Variants in DENND1B observed in about 807,000 individuals in gnomAD.
DENND1B encodes the protein DENN domain containing 1B, also known as DENN domain-containing protein 1B.
A neutral mutation model predicts 90.1 loss-of-function variants in DENND1B; 59 were observed. The observed-to-expected ratio is 0.65, with a 90% CI of 0.53 to 0.81. The LOEUF is 0.81. Among genes scored for constraint, DENND1B ranks in the 40% least tolerant of loss-of-function variants. The pLI, the probability that DENND1B is intolerant of heterozygous loss-of-function variation, is 0.00. For missense variants in DENND1B, 862 were observed against 912.6 expected (o/e 0.94, Z 0.71); for synonymous variants, 337 against 324.6 (o/e 1.04, Z -0.41).
intron 12 of DENND1B, among the ~76,000 whole-genome samples, chr1:197,611,244 T>A (rs1363731792): frequency 1.3e-5 from 2 of 150,872 alleles, no homozygotes; most frequent in Non-Finnish European, 3.0e-5. Flanking sequence ...TTTGTTTTAA[T>A]TAAAGCCTTT....
At chr1:197,716,424 A>C (rs1304174694) in intron 2 of DENND1B, among the ~76,000 whole-genome samples, 1 of 146,602 alleles carries the variant, frequency 6.8e-6, no homozygotes, top group African/African-American at 2.7e-5. Context: ...TTATATCCTC[A>C]TGTAAAACAA....
At chr1:197,706,571 A>G (rs902182788) in intron 3 of DENND1B, among the ~76,000 whole-genome samples, 4 of 152,192 alleles carry the variant, frequency 2.6e-5, no homozygotes, top group African/African-American at 9.6e-5. Context: ...AAGGAACTCA[A>G]ACAACAGCAA....
chr1:197,603,870 ATAAAT>A (rs901450933), intron 13 of DENND1B, among the ~76,000 whole-genome samples: 6 of 151,368 alleles, frequency 4.0e-5, no homozygotes, highest in Admixed American at 6.6e-5. Context: ...CTGCATTTTC[ATAAAT>A]TAAAATCAAG....
chr1:197,652,036 A>T (rs1299967776), intron 7 of DENND1B, among the ~76,000 whole-genome samples, 199 bp downstream of exon 7: 3 of 152,094 alleles, frequency 2.0e-5, no homozygotes. Flanking sequence ...TAAATTCAAC[A>T]CACCTGATAT....
At chr1:197,518,507 C>T (rs1668554894) in intron 20 of DENND1B, among the ~76,000 whole-genome samples, 1 of 151,842 alleles carries the variant, frequency 6.6e-6, no homozygotes, top group African/African-American at 2.4e-5. Flanking sequence ...TGGAGAATCT[C>T]AAGAGGAACT....
At chr1:197,537,696 C>T (rs1419090950) in intron 20 of DENND1B, among the ~76,000 whole-genome samples, 1 of 151,816 alleles carries the variant, frequency 6.6e-6, no homozygotes, top group Non-Finnish European at 1.5e-5. Flanking sequence ...AAGAAATTGT[C>T]TCTAGAAGTT....
intron 15 of DENND1B, among the ~76,000 whole-genome samples, chr1:197,570,873 G>T (rs75032989): frequency 0.017 from 2,579 of 152,276 alleles, 77 homozygotes; most frequent in African/African-American, 0.059. Context: ...AAGGTCCTAT[G>T]CAAGAAACTG....
intron 3 of DENND1B, among the ~76,000 whole-genome samples, chr1:197,681,313 A>T (rs1371386619): frequency 6.6e-6 from 1 of 152,182 alleles, no homozygotes; most frequent in Non-Finnish European, 1.5e-5. Flanking sequence ...TTGCAAAGTT[A>T]TCCGATGTAC....
intron 10 of DENND1B, among the ~76,000 whole-genome samples, chr1:197,629,760 G>A (rs1045148284): frequency 9.2e-5 from 14 of 151,844 alleles, no homozygotes; most frequent in South Asian, 2.1e-4. Context: ...AATTTAAAAA[G>A]CAGCCACGGA....
intron 2 of DENND1B, among the ~76,000 whole-genome samples, chr1:197,763,173 TG>T (rs1655305716): frequency 6.6e-6 from 1 of 152,118 alleles, no homozygotes; most frequent in Admixed American, 6.5e-5. Flanking sequence ...TAGCCAGACA[TG>T]GTGACATACG....
chr1:197,562,803 G>A (rs765529288), intron 15 of DENND1B, among the ~76,000 whole-genome samples: 24 of 151,996 alleles, frequency 1.6e-4, no homozygotes, highest in Admixed American at 7.9e-4. Context: ...AATTAGCCAA[G>A]TTGTGGATGC....
At chr1:197,599,582 T>C (rs573105420) in intron 13 of DENND1B, among the ~76,000 whole-genome samples, 1 of 151,970 alleles carries the variant, frequency 6.6e-6, no homozygotes, top group Admixed American at 6.6e-5. Flanking sequence ...AGTTGAAAAC[T>C]TTTATTCTCC....
At chr1:197,759,587 A>C (rs1022624236) in intron 2 of DENND1B, among the ~76,000 whole-genome samples, 7 of 151,298 alleles carry the variant, frequency 4.6e-5, no homozygotes, top group Admixed American at 1.3e-4. Context: ...AAATACAAAA[A>C]AAAAAGTTAG....
chr1:197,525,959 C>T (rs1669106451), intron 20 of DENND1B, among the ~76,000 whole-genome samples: 1 of 151,874 alleles, frequency 6.6e-6, no homozygotes, highest in Admixed American at 6.6e-5. Context: ...GTTAGAAAAG[C>T]CATAAAGAAA....
At chr1:197,640,700 A>G (rs955327688) in intron 10 of DENND1B, among the ~76,000 whole-genome samples, 2 of 152,154 alleles carry the variant, frequency 1.3e-5, no homozygotes, top group African/African-American at 4.8e-5. Context: ...TAAATAAAAC[A>G]CCAATATTTT....
intron 15 of DENND1B, among the ~76,000 whole-genome samples, chr1:197,557,784 T>G (rs899925911): frequency 2.6e-5 from 4 of 151,882 alleles, no homozygotes; most frequent in South Asian, 2.1e-4. Context: ...AACAGCTATT[T>G]TTCCCCCAAG....
chr1:197,716,933 CCTCA>C (rs1215824950), intron 2 of DENND1B, among the ~76,000 whole-genome samples: 1 of 151,856 alleles, frequency 6.6e-6, no homozygotes, highest in African/African-American at 2.4e-5. Context: ...CCTGACTTTT[CCTCA>C]CTACCATTTT....
intron 10 of DENND1B, among the ~76,000 whole-genome samples, chr1:197,623,036 C>T (rs148823964): frequency 0.017 from 2,511 of 151,342 alleles, 38 homozygotes; most frequent in Middle Eastern, 0.037. Context: ...AGACACATTG[C>T]TACTCACACT....
chr1:197,579,097 T>G (rs1336163295), intron 15 of DENND1B, among the ~76,000 whole-genome samples: 1 of 152,252 alleles, frequency 6.6e-6, no homozygotes, highest in African/African-American at 2.4e-5. Flanking sequence ...AGAATAATCT[T>G]CTTTATTTAT....
Sources: gnomAD v4.1 joint callset for allele counts (sites outside exome capture counted in the v4.1 genomes callset) on GRCh38, gnomAD v4.1.1 for gene constraint, MANE v1.5 for transcripts, NCBI Gene and HGNC (gene_info 2026-07-23, HGNC 2026-07-21) for gene names.